Variants in CCT6A observed in about 807,000 individuals in gnomAD.
CCT6A encodes the protein chaperonin containing TCP1 subunit 6A, also known as T-complex protein 1 subunit zeta.
A neutral mutation model predicts 58.6 loss-of-function variants in CCT6A; 6 were observed. The observed-to-expected ratio is 0.10, with a 90% CI of 0.06 to 0.20. The LOEUF (loss-of-function observed/expected upper bound fraction) is 0.20, where lower values mean the gene tolerates loss of function less well. Ranked by LOEUF, CCT6A falls within the 10% of genes least tolerant of loss-of-function variation. CCT6A has a pLI of 1.00. For synonymous variants in CCT6A, 245 were observed against 227.8 expected (o/e 1.08, Z -0.68); for missense variants, 516 against 648.8 (o/e 0.80, Z 2.22).
chr7:56,052,930 A>G (rs937691720), intron 2 of CCT6A, among the ~76,000 whole-genome samples: 16 of 151,930 alleles, frequency 1.1e-4, no homozygotes, highest in African/African-American at 3.6e-4. Context: ...AGTAGCTAGG[A>G]TTACAGGCTC....
chr7:56,054,503 A>G lies in CCT6A; in HGVS notation c.336A>G (p.Glu112=). 1 of 1,611,194 alleles carries G rather than the reference A, an allele frequency of 6.2e-7. No individual in the cohort carries two copies. Among genetic ancestry groups the G allele is most frequent in the Non-Finnish European group, 8.5e-7 (1 of 1,178,670 alleles). ...LLKQADLYIS[E]GLHPRIITEG... ...AACAGGCGGATCTCTACATTTCTGA[A>G]GTATGCACAACTCTTGTTTCTGTAA... The change falls in exon 3 of 14, where the codon GAA becomes GAG. Residue 112 remains glutamate (E), a splice_region_variant and synonymous_variant. Transcript: ENST00000275603.
At position 56,062,755 on chromosome 7, in the gene CCT6A, G is replaced by C; in HGVS notation, c.1523G>C (p.Cys508Ser). 1 of 1,604,580 alleles carries C rather than the reference G, an allele frequency of 6.2e-7. No individual in the cohort carries two copies. Residue 508 changes from cysteine (C) to serine (S), a missense_variant and splice_region_variant, in exon 13 of 14, where the codon TGC (cysteine) becomes TCC (serine). By Grantham distance (112) the Cys-to-Ser change is moderately radical. Around this residue, in one of 3 missense-constraint regions of CCT6A, gnomAD observed 315 missense variants for 389.4 expected, o/e 0.81. Coordinates refer to ENST00000275603, the MANE Select transcript of CCT6A (RefSeq NM_001762.4). Reference protein sequence around the residue: ...YCVKKQLLHSCTVIATNILLV... With the variant: ...YCVKKQLLHSSTVIATNILLV... ...GTAAAGAAACAGCTTCTTCACTCCT[G>C]GTAAGTTTGGGAAAATGAAAACTAA...
chr7:56,061,918 T>A, intron 12 of CCT6A, 69 bp downstream of exon 12: 1 of 873,316 alleles, frequency 1.1e-6, no homozygotes, highest in Non-Finnish European at 1.7e-6. Context: ...CAGGAAAGAT[T>A]AAAAATGTTT....
At chr7:56,058,820 C>T in intron 8 of CCT6A, 118 bp downstream of exon 8, 2 of 630,640 alleles carry the variant, frequency 3.2e-6, no homozygotes, top group South Asian at 2.1e-5. Context: ...ACTATATTCA[C>T]ATTGTGCACC....
In CCT6A at chr7:56,051,832, C is replaced by T. The variant is rs766631041; in HGVS notation, c.-17C>T. On this transcript the variant is annotated 5_prime_UTR_variant, in exon 1 of 14. Transcript: ENST00000275603. Reference sequence around the variant, plus strand: ...TGGGCACTCAGCATCGTTTCCTTTTCCTCCGCTGGAGCAGCTATGGCGGCG... The same window carrying T: ...TGGGCACTCAGCATCGTTTCCTTTTTCTCCGCTGGAGCAGCTATGGCGGCG... The T allele has an allele frequency of 9.0e-5, 140 of 1,552,710 alleles. No individual in the cohort carries two copies. The highest frequency in any genetic ancestry group is 2.5e-4 in the Admixed American group (13 of 51,638).
rs765146177 is a variant in CCT6A, at chr7:56,058,680, G to A, written c.946G>A (p.Ala316Thr). 6.3e-7 allele frequency: 1 copy of A among 1,591,324 alleles called. No individual in the cohort carries two copies. Among genetic ancestry groups the A allele is most frequent in the South Asian group, 1.1e-5 (1 of 90,248 alleles). The change falls in exon 8 of 14, where the codon GCT becomes ACT. Residue 316 changes from alanine to threonine, a missense_variant. Ala to Thr is a moderately conservative substitution (Grantham distance 58, BLOSUM62 0). Transcript: ENST00000275603. Reference protein sequence around the residue: ...SKEGIVALRRAKRRNMERLTL... With the variant: ...SKEGIVALRRTKRRNMERLTL... Reference sequence around the variant, plus strand: ...AGAAGGCATAGTTGCTCTGCGCAGAGCTAAAAGGAGAAATATGGAGAGGTA... The same window carrying A: ...AGAAGGCATAGTTGCTCTGCGCAGAACTAAAAGGAGAAATATGGAGAGGTA...
chr7:56,062,616 C>G, intron 12 of CCT6A, 67 bp from the exon 13 acceptor site: 1 of 1,305,404 alleles, frequency 7.7e-7, no homozygotes, highest in Admixed American at 1.7e-5. Flanking sequence ...CAGTGATAAG[C>G]AAAGCTGCAC....
chr7:56,062,051 T>C (rs1391739709), intron 12 of CCT6A: 1 of 421,360 alleles, frequency 2.4e-6, no homozygotes, highest in South Asian at 4.4e-5. Context: ...ATGAGTAATT[T>C]GGGGATACAA....
chr7:56,055,337 T>G, intron 3 of CCT6A: 1 of 434,184 alleles, frequency 2.3e-6, no homozygotes, highest in Non-Finnish European at 4.3e-6. Context: ...TGGGACACAG[T>G]GTTGGTTTTG....
Position 56,055,731 on chromosome 7 carries a change from T to A in CCT6A, c.444T>A (p.Leu148=). 6 of 1,613,700 alleles carry A rather than the reference T, an allele frequency of 3.7e-6. No individual in the cohort carries two copies. The highest frequency in any genetic ancestry group is 5.1e-6 in the Non-Finnish European group (6 of 1,179,648). Reference sequence around the variant, plus strand: ...GCAGAGAGATGGACAGGGAAACACTTATAGATGTGGCCAGAACATCTCTTC... The same window carrying A: ...GCAGAGAGATGGACAGGGAAACACTAATAGATGTGGCCAGAACATCTCTTC... The part of the protein sequence containing the change: ...KVSREMDRET[L]IDVARTSLRT... The change falls in exon 4 of 14, where the codon CTT becomes CTA. Residue 148 remains leucine, a synonymous_variant. Transcript: ENST00000275603.
intron 5 of CCT6A, among the ~76,000 whole-genome samples, chr7:56,057,481 G>C (rs116028602): frequency 1.3e-5 from 2 of 152,098 alleles, no homozygotes; most frequent in African/African-American, 4.8e-5. Context: ...TGGGATTACA[G>C]GTGCTTGGTA....
chr7:56,059,414 G>T, intron 8 of CCT6A, 130 bp from the exon 9 acceptor site: 2 of 635,098 alleles, frequency 3.1e-6, no homozygotes, highest in South Asian at 1.8e-5. Flanking sequence ...CAAATGGAAA[G>T]GCTTAAAGTA....
chr7:56,059,095 C>G (rs914624330), intron 8 of CCT6A: 4 of 168,854 alleles, frequency 2.4e-5, no homozygotes, highest in African/African-American at 9.6e-5. Flanking sequence ...CTACCACTTC[C>G]TGGGTTCATA....
chr7:56,055,447 T>C, intron 3 of CCT6A, 177 bp from the exon 4 acceptor site: 1 of 689,948 alleles, frequency 1.4e-6, no homozygotes, highest in Non-Finnish European at 2.6e-6. Context: ...GTTCATCTGC[T>C]CTGCATTGAA....
At position 56,060,845 on chromosome 7, in the gene CCT6A, A is replaced by G. The variant is rs745995989; in HGVS notation, c.1252A>G (p.Met418Val). 8.1e-6 allele frequency: 13 copies of G among 1,613,084 alleles called. No individual in the cohort carries two copies. The highest frequency in any genetic ancestry group is 6.6e-5 in the South Asian group (6 of 90,914). The stretch of plus-strand genomic sequence containing the variant: ...AGGTGCTGGTGCCGTGGAAGTGGCA[A>G]TGGCAGAAGCCCTGATTAAACATAA... ...VPGAGAVEVAMAEALIKHKPS... is the reference protein window; with the variant it reads ...VPGAGAVEVAVAEALIKHKPS... The change falls in exon 11 of 14, where the codon ATG becomes GTG. Residue 418 changes from methionine (M) to valine (V), a missense_variant. Met to Val is a conservative substitution (Grantham distance 21, BLOSUM62 1). Transcript: ENST00000275603.
At chr7:56,057,581 C>T (rs1228105359) in intron 5 of CCT6A, among the ~76,000 whole-genome samples, 1 of 152,130 alleles carries the variant, frequency 6.6e-6, no homozygotes, top group Non-Finnish European at 1.5e-5. Context: ...GTAGGATCTT[C>T]AGGTAATTTA....
chr7:56,061,418 C>T (rs1794430160), intron 11 of CCT6A, among the ~76,000 whole-genome samples: 1 of 145,216 alleles, frequency 6.9e-6, no homozygotes, highest in African/African-American at 2.6e-5. Flanking sequence ...TCTTGTTTCC[C>T]AGGCTGGAGT....
intron 11 of CCT6A, among the ~76,000 whole-genome samples, chr7:56,061,351 ATG>A (rs1294282487): frequency 6.7e-6 from 1 of 149,140 alleles, no homozygotes; most frequent in Non-Finnish European, 1.5e-5. Flanking sequence ...GGGAACATAA[ATG>A]TTCTGTCTTT....
At chr7:56,061,432 A>G (rs1301916958) in intron 11 of CCT6A, among the ~76,000 whole-genome samples, 1 of 144,064 alleles carries the variant, frequency 6.9e-6, no homozygotes, top group Middle Eastern at 3.8e-3. Flanking sequence ...CTGGAGTGTA[A>G]TGGTGCGATC....
Sources: allele counts gnomAD v4.1 joint callset (sites outside exome capture counted in the v4.1 genomes callset), GRCh38; gene constraint gnomAD v4.1.1; regional missense constraint gnomAD v4.1.1; transcripts MANE v1.5; gene names NCBI Gene and HGNC (gene_info 2026-07-23, HGNC 2026-07-21).